Variants in ENTPD6 observed in about 807,000 individuals in gnomAD.
ENTPD6 encodes CD39 antigen-like 2.
Under a neutral mutation model 61.5 loss-of-function variants are expected in ENTPD6, and 46 were observed. The ratio of observed to expected loss-of-function variants is 0.75; its 90% CI spans 0.59 to 0.96. The LOEUF is 0.96. Among genes scored for constraint, ENTPD6 ranks in the 40% least tolerant of loss-of-function variants. ENTPD6 has a pLI of 0.00. For synonymous variants in ENTPD6, 252 were observed against 255.5 expected (o/e 0.99, Z 0.13); for missense variants, 612 against 629.0 (o/e 0.97, Z 0.29).
chr20:25,221,204 T>G, intron 10 of ENTPD6, 28 bp from the exon 11 acceptor site: 1 of 1,582,310 alleles, frequency 6.3e-7, no homozygotes, highest in East Asian at 2.2e-5. Flanking sequence ...TACCTTCCTT[T>G]CTCTTTCCTT....
chr20:25,219,219 T>C (rs886886624), intron 10 of ENTPD6, among the ~76,000 whole-genome samples: 4 of 152,224 alleles, frequency 2.6e-5, no homozygotes, highest in African/African-American at 9.6e-5. Flanking sequence ...AAATCCCTTC[T>C]GAAGCACTGA....
intron 10 of ENTPD6, among the ~76,000 whole-genome samples, chr20:25,220,603 C>A (rs1429511254): frequency 6.6e-6 from 1 of 152,246 alleles, no homozygotes; most frequent in Non-Finnish European, 1.5e-5. Flanking sequence ...GCAGAGCAGC[C>A]TGGGACACTT....
intron 3 of ENTPD6, among the ~76,000 whole-genome samples, chr20:25,209,075 C>G (rs1179632513): frequency 1.3e-5 from 2 of 150,536 alleles, no homozygotes; most frequent in African/African-American, 2.4e-5. Context: ...CATCACCACA[C>G]CTGGCTACTT....
At chr20:25,205,557 C>T (rs1214588435) in intron 1 of ENTPD6, among the ~76,000 whole-genome samples, 1 of 152,170 alleles carries the variant, frequency 6.6e-6, no homozygotes, top group Non-Finnish European at 1.5e-5. Context: ...GAGGCTGCAA[C>T]ATGATCCTGA....
At chr20:25,211,363 AG>A (rs1463159723) in intron 4 of ENTPD6, among the ~76,000 whole-genome samples, 22 of 152,348 alleles carry the variant, frequency 1.4e-4, no homozygotes, top group African/African-American at 5.3e-4. Context: ...TACTTGTTTG[AG>A]TAGGTGACAC....
At chr20:25,206,278 A>C (rs923426077) in intron 1 of ENTPD6, among the ~76,000 whole-genome samples, 2 of 152,176 alleles carry the variant, frequency 1.3e-5, no homozygotes, top group African/African-American at 4.8e-5. Context: ...AGAGTGAGGG[A>C]GGGACAGGCT....
chr20:25,224,497 G>A (rs1023742917), intron 13 of ENTPD6: 4 of 190,000 alleles, frequency 2.1e-5, no homozygotes, highest in African/African-American at 9.3e-5. Flanking sequence ...TGGGGTGGAG[G>A]GCTGTCCCCG....
chr20:25,196,673 A>G (rs979334597), intron 1 of ENTPD6, among the ~76,000 whole-genome samples: 31 of 152,198 alleles, frequency 2.0e-4, no homozygotes, highest in Non-Finnish European at 7.3e-5. Flanking sequence ...GAAGTCAGCC[A>G]TAGCCTGCAG....
chr20:25,213,489 C>T (rs6037060), intron 5 of ENTPD6, 83 bp downstream of exon 5: 31,544 of 1,420,180 alleles, frequency 0.022, 680 homozygotes, highest in African/African-American at 0.092. Flanking sequence ...TCACCAGTGC[C>T]GCACCATCAG....
intron 10 of ENTPD6, among the ~76,000 whole-genome samples, chr20:25,220,024 C>T (rs1383752199): frequency 3.3e-5 from 5 of 152,276 alleles, no homozygotes; most frequent in East Asian, 1.9e-4. Context: ...CCCAGGGAGT[C>T]GTGGCTCAGA....
chr20:25,222,950 C>A lies in ENTPD6; in HGVS notation c.1158C>A (p.Tyr386Ter). The A allele has an allele frequency of 6.2e-7, 1 of 1,613,706 alleles. No individual in the cohort carries two copies. The change falls in exon 12 of 15, where the codon TAC becomes TAA. Residue 386 changes from tyrosine (Y) to a stop codon, truncating the protein, a stop_gained. Coordinates refer to ENST00000376652, the MANE Select transcript of ENTPD6 (RefSeq NM_001247.5). LOFTEE classifies it high-confidence loss of function. ...HVDFYAFSYY[Y>*]DLAAGVGLID... The stretch of plus-strand genomic sequence containing the variant: ...ACTTCTATGCTTTCTCCTACTATTA[C>A]GACCTTGCAGCTGGTGTGGGCCTCA...
At chr20:25,206,950 G>T in intron 2 of ENTPD6, 126 bp from the exon 3 acceptor site, 2 of 832,480 alleles carry the variant, frequency 2.4e-6, no homozygotes, top group Non-Finnish European at 3.8e-6. Flanking sequence ...TGAAGCTTCT[G>T]ATTCCTGGGG....
chr20:25,218,298 A>T (rs763117690), intron 9 of ENTPD6, among the ~76,000 whole-genome samples: 8 of 152,230 alleles, frequency 5.3e-5, no homozygotes, highest in South Asian at 4.1e-4. Flanking sequence ...ACTGGTGTCG[A>T]GTCGGTCCCA....
At chr20:25,207,476 C>T (rs2091605113) in intron 3 of ENTPD6, 79 bp downstream of exon 3, 2 of 1,302,312 alleles carry the variant, frequency 1.5e-6, no homozygotes, top group East Asian at 2.4e-5. Context: ...GCCACAGACT[C>T]ACCTGGGAGC....
In ENTPD6 at chr20:25,206,519, C is replaced by T. The variant is rs749241909; in HGVS notation, c.-15-3C>T. The T allele has an allele frequency of 6.2e-7, 1 of 1,608,720 alleles. No individual in the cohort carries two copies. The highest frequency in any genetic ancestry group is 8.5e-7 in the Non-Finnish European group (1 of 1,175,104). ...TACACAGACATTATTTTCTCCTTGG[C>T]AGGAATGGGCTATGTGAATGAAAAA... On this transcript the variant is annotated splice_region_variant and splice_polypyrimidine_tract_variant and intron_variant, in intron 1 of 14. Coordinates refer to ENST00000376652, the MANE Select transcript of ENTPD6 (RefSeq NM_001247.5).
Position 25,213,335 on chromosome 20 carries a change from C to A in ENTPD6, c.526C>A (p.Pro176Thr), listed in dbSNP as rs2092106121. 1 of 1,614,210 alleles carries A rather than the reference C, an allele frequency of 6.2e-7. No homozygotes were observed. The highest frequency in any genetic ancestry group is 8.5e-7 in the Non-Finnish European group (1 of 1,180,026). ...TCCGTTCGACTTCTGGAAGGCCACC[C>A]CTCTGGTCCTCAAGGCCACAGCTGG... Reference protein sequence around the residue: ...DIPFDFWKATPLVLKATAGLR... With the variant: ...DIPFDFWKATTLVLKATAGLR... Residue 176 changes from proline to threonine, a missense_variant, in exon 5 of 15, where the codon CCT becomes ACT. Physicochemically the swap from Pro to Thr is conservative, Grantham distance 38. Coordinates refer to ENST00000376652, the MANE Select transcript of ENTPD6 (RefSeq NM_001247.5).
At chr20:25,214,788 ACTAG>A in intron 5 of ENTPD6, 75 bp from the exon 6 acceptor site, 7 of 907,396 alleles carry the variant, frequency 7.7e-6, no homozygotes, top group East Asian at 2.5e-5. Flanking sequence ...GCTTCACTTG[ACTAG>A]CTAGCTAGCT....
At chr20:25,222,677 G>T in intron 11 of ENTPD6, 161 bp from the exon 12 acceptor site, 1 of 885,402 alleles carries the variant, frequency 1.1e-6, no homozygotes, top group Non-Finnish European at 1.7e-6. Flanking sequence ...TGACCTGTGC[G>T]GGGAGCAGCC....
Position 25,222,824 on chromosome 20 carries a change from G to T in ENTPD6, c.1046-14G>T. The T allele has an allele frequency of 6.2e-7, 1 of 1,613,162 alleles. No homozygotes were observed. Among genetic ancestry groups the T allele is most frequent in the South Asian group, 1.1e-5 (1 of 91,030 alleles). On this transcript the variant is annotated splice_polypyrimidine_tract_variant and intron_variant, in intron 11 of 14. Coordinates refer to ENST00000376652, the MANE Select transcript of ENTPD6 (RefSeq NM_001247.5). ...TCGGAGCCCACTGACCGCTAGCCTT[G>T]TGCTTGTCCCCAGCGGCAAGCCTGC...
Sources: allele counts gnomAD v4.1 joint callset (sites outside exome capture counted in the v4.1 genomes callset), GRCh38; gene constraint gnomAD v4.1.1; transcripts MANE v1.5; gene names NCBI Gene and HGNC (gene_info 2026-07-23, HGNC 2026-07-21).